Variants in SV2B observed in about 807,000 individuals in gnomAD.
The protein encoded by SV2B is synaptic vesicle glycoprotein 2B, also known as solute carrier family 22 member B2.
SV2B carries 41 observed loss-of-function variants against 73.9 expected under a neutral mutation model. The ratio of observed to expected loss-of-function variants is 0.56; its 90% CI spans 0.43 to 0.72. The LOEUF is 0.72. Ranked by LOEUF, SV2B falls within the 30% of genes least tolerant of loss-of-function variation. The probability of loss-of-function intolerance (pLI) is 0.00; values close to 1 mark genes in which losing one functional copy is unlikely to be tolerated. For missense variants in SV2B, 764 were observed against 857.8 expected (o/e 0.89, Z 1.37); for synonymous variants, 314 against 314.2 (o/e 1.00, Z 0.01).
intron 9 of SV2B, among the ~76,000 whole-genome samples, chr15:91,270,998 T>TGATGGGCGGATGGTGAATCTTGTGGAC (rs2048291836): frequency 7.2e-6 from 1 of 139,684 alleles, no homozygotes; most frequent in African/African-American, 3.1e-5. Flanking sequence ...GTCCTGTGGA[T>TGATGGGCGGATGGTGAATCTTGTGGAC]GATGGGAGGA....
intron 1 of SV2B, among the ~76,000 whole-genome samples, chr15:91,201,533 A>G (rs2045460439): frequency 6.6e-6 from 1 of 152,004 alleles, no homozygotes; most frequent in Non-Finnish European, 1.5e-5. Context: ...GTGCAGTGCC[A>G]TTTCTCCCTG....
intron 9 of SV2B, among the ~76,000 whole-genome samples, chr15:91,272,816 G>T (rs1266432935): frequency 2.8e-5 from 4 of 144,442 alleles, no homozygotes; most frequent in African/African-American, 5.2e-5. Context: ...GGGGATAAAT[G>T]AGCATATTCG....
chr15:91,179,293 G>A (rs2044453026), intron 1 of SV2B, among the ~76,000 whole-genome samples: 3 of 152,124 alleles, frequency 2.0e-5, no homozygotes, highest in Non-Finnish European at 4.4e-5. Context: ...TACATTTGCT[G>A]AGGAGAGCTT....
chr15:91,157,105 G>A (rs1408144266), intron 1 of SV2B, among the ~76,000 whole-genome samples: 2 of 152,194 alleles, frequency 1.3e-5, no homozygotes, highest in South Asian at 4.1e-4. Flanking sequence ...AGGTTAAAGA[G>A]GGGGAAGCTG....
In SV2B at chr15:91,209,114, G is replaced by GTT. The variant is rs903531189; in HGVS notation, c.-391-16735_-391-16734dup. 7.4e-3 allele frequency among the ~76,000 whole-genome samples: 666 copies of GTT among 89,894 alleles called. 9 individuals are homozygous for GTT. Among genetic ancestry groups the GTT allele is most frequent in the African/African-American group, 0.017 (266 of 16,006 alleles). The allele number at this position is 89,894 out of a possible 152,430, so 59.0% of individuals were successfully genotyped here. ...AGTGACTGTGGCAGTACTGTTTTTTGTTTTTTTTTTTTTTTTTTTTTTTTT... is the reference window on the plus strand; with the variant it reads ...AGTGACTGTGGCAGTACTGTTTTTTGTTTTTTTTTTTTTTTTTTTTTTTTTTT... On this transcript the variant is annotated intron_variant, in intron 1 of 12. Transcript: ENST00000394232.
intron 1 of SV2B, among the ~76,000 whole-genome samples, chr15:91,201,232 T>C (rs555519327): frequency 6.6e-6 from 1 of 152,328 alleles, no homozygotes; most frequent in African/African-American, 2.4e-5. Context: ...CTTTGTACTA[T>C]GTACAAATCC....
intron 4 of SV2B, among the ~76,000 whole-genome samples, chr15:91,254,722 A>G (rs2047620087): frequency 6.6e-6 from 1 of 152,184 alleles, no homozygotes; most frequent in Admixed American, 6.5e-5. Context: ...TCAGCTCTAG[A>G]TATACCTGCC....
In SV2B at chr15:91,197,515, C is replaced by T. The variant is rs1183634466; in HGVS notation, c.-391-28358C>T. ...CTGGGATTACAGGCGTGAGCCACCG[C>T]GCCCAGCCATCATTGTTTTTAATAG... On this transcript the variant is annotated intron_variant, in intron 1 of 12. Transcript: ENST00000394232. The surrounding 1 kb of genome is among the most constrained non-coding windows in gnomAD (Gnocchi z 4.9). 1.3e-5 allele frequency among the ~76,000 whole-genome samples: 2 copies of T among 151,340 alleles called. No homozygotes were observed. Among genetic ancestry groups the T allele is most frequent in the South Asian group, 2.1e-4 (1 of 4,780 alleles).
At chr15:91,191,080 T>TTTTTTTTTTTTTTTTTTTTTTC (rs2045006040) in intron 1 of SV2B, among the ~76,000 whole-genome samples, 1 of 142,840 alleles carries the variant, frequency 7.0e-6, no homozygotes, top group Non-Finnish European at 1.5e-5. Context: ...TTTTTTTTTT[T>TTTTTTTTTTTTTTTTTTTTTTC]TTTTGACAGA....
Position 91,231,365 on chromosome 15 carries a change from A to T in SV2B, c.451+4651A>T, listed in dbSNP as rs2046567767. ...CTCTGCCCCAGTGATTTTGGTACTG[A>T]GAGTGCTTCTAGAGGAGCAGAATTT... is the stretch of plus-strand genomic sequence containing the variant. On this transcript the variant is annotated intron_variant, in intron 2 of 12. Coordinates refer to ENST00000394232, the MANE Select transcript of SV2B (RefSeq NM_001323032.3). The surrounding 1 kb of genome is among the most constrained non-coding windows in gnomAD (Gnocchi z 4.5). Among the ~76,000 whole-genome samples, 1 of 152,072 alleles carries T rather than the reference A, an allele frequency of 6.6e-6. No homozygotes were observed. The highest frequency in any genetic ancestry group is 1.5e-5 in the Non-Finnish European group (1 of 68,024).
At chr15:91,257,674 T>G (rs966033034) in intron 4 of SV2B, among the ~76,000 whole-genome samples, 1 of 152,160 alleles carries the variant, frequency 6.6e-6, no homozygotes, top group Non-Finnish European at 1.5e-5. Context: ...CATTGCCCTT[T>G]GACGTTGGAA....
chr15:91,108,479 T>C (rs2041950189), intron 1 of SV2B, among the ~76,000 whole-genome samples: 3 of 152,264 alleles, frequency 2.0e-5, no homozygotes, highest in South Asian at 2.1e-4. Flanking sequence ...TGGAAAGGTC[T>C]GTGGTTCTTC....
rs2047565689 is a variant in SV2B at position 91,253,410 on chromosome 15, T to A, written c.784+890T>A. Among the ~76,000 whole-genome samples the A allele has an allele frequency of 2.0e-5, 3 of 152,232 alleles. No individual in the cohort carries two copies. The South Asian group carries it at 6.2e-4, about 31-fold the overall frequency. ...TAAATATGACCCTCTCTGCTGTGCT[T>A]TCTCAGCTAATGGAGGCTGCATGTA... On this transcript the variant is annotated intron_variant, in intron 4 of 12. Transcript: ENST00000394232. This position sits in a 1 kb window ranked among gnomAD's most constrained non-coding sequence, Gnocchi z 5.0.
chr15:91,277,571 G>A (rs1478326388), intron 9 of SV2B, among the ~76,000 whole-genome samples: 4 of 152,108 alleles, frequency 2.6e-5, no homozygotes, highest in Non-Finnish European at 4.4e-5. Context: ...GAAGCCTTTT[G>A]AATTTGCTTC....
Position 91,123,510 on chromosome 15 carries a change from G to A in SV2B, c.-392+23147G>A, listed in dbSNP as rs1250558379. Among the ~76,000 whole-genome samples, 1 of 152,158 alleles carries A rather than the reference G, an allele frequency of 6.6e-6. No homozygotes were observed. The highest frequency in any genetic ancestry group is 2.4e-5 in the African/African-American group (1 of 41,432). On this transcript the variant is annotated intron_variant, in intron 1 of 12. Coordinates refer to ENST00000394232, the MANE Select transcript of SV2B (RefSeq NM_001323032.3). This position sits in a 1 kb window ranked among gnomAD's most constrained non-coding sequence, Gnocchi z 4.7. ...GGTAGGCCATAAAACCACAGAGCCTGCACTTGGGTACCCCGGGAGAACTTA... is the reference window on the plus strand; with the variant it reads ...GGTAGGCCATAAAACCACAGAGCCTACACTTGGGTACCCCGGGAGAACTTA...
Position 91,110,614 on chromosome 15 carries a change from C to T in SV2B, c.-392+10251C>T, listed in dbSNP as rs933751520. ...GCCGAGGAATGGAGCCCAGCTGGCA[C>T]GTGGGAGGCTCTGCGGGAGAGGAAG... is the stretch of plus-strand genomic sequence containing the variant. On this transcript the variant is annotated intron_variant, in intron 1 of 12. Coordinates refer to ENST00000394232, the MANE Select transcript of SV2B (RefSeq NM_001323032.3). The surrounding 1 kb of genome is among the most constrained non-coding windows in gnomAD (Gnocchi z 5.4). 3.9e-5 allele frequency among the ~76,000 whole-genome samples: 6 copies of T among 152,176 alleles called. No individual in the cohort carries two copies. Among genetic ancestry groups the T allele is most frequent in the South Asian group, 2.1e-4 (1 of 4,826 alleles).
At chr15:91,102,910 A>G (rs2041775413) in intron 1 of SV2B, among the ~76,000 whole-genome samples, 1 of 152,194 alleles carries the variant, frequency 6.6e-6, no homozygotes, top group Non-Finnish European at 1.5e-5. Flanking sequence ...TGCAGGCAGC[A>G]CCTGCAAAAC....
At chr15:91,243,038 C>T (rs1339658428) in intron 2 of SV2B, among the ~76,000 whole-genome samples, 1 of 152,188 alleles carries the variant, frequency 6.6e-6, no homozygotes, top group Non-Finnish European at 1.5e-5. Context: ...CTGGAAGTAT[C>T]ACCCATTTGT....
chr15:91,115,344 A>T lies in SV2B; in HGVS notation c.-392+14981A>T, dbSNP rs1567263589. Among the ~76,000 whole-genome samples the T allele has an allele frequency of 6.6e-6, 1 of 151,934 alleles. No individual in the cohort carries two copies. Among genetic ancestry groups the T allele is most frequent in the Non-Finnish European group, 1.5e-5 (1 of 67,990 alleles). On this transcript the variant is annotated intron_variant, in intron 1 of 12. Transcript: ENST00000394232. This position sits in a 1 kb window ranked among gnomAD's most constrained non-coding sequence, Gnocchi z 4.3. Reference sequence around the variant, plus strand: ...CTACCTTTGTTGGTGAGTGTTGACGACTTTGAAAGTGGGCTATTTCTCCAT... The same window carrying T: ...CTACCTTTGTTGGTGAGTGTTGACGTCTTTGAAAGTGGGCTATTTCTCCAT...
Sources: allele counts gnomAD v4.1 joint callset (sites outside exome capture counted in the v4.1 genomes callset), GRCh38; gene constraint gnomAD v4.1.1; non-coding constraint Gnocchi (gnomAD v3.1); transcripts MANE v1.5; gene names NCBI Gene and HGNC (gene_info 2026-07-23, HGNC 2026-07-21).